DGKZ: variants seen among roughly 807,000 people sequenced by gnomAD.
DGKZ encodes DAG kinase zeta.
Under a neutral mutation model 142.5 loss-of-function variants are expected in DGKZ, and 45 were observed. That is an observed-to-expected ratio of 0.32 (90% CI 0.25 to 0.40). The LOEUF (loss-of-function observed/expected upper bound fraction) is 0.40. DGKZ is among the 10% of genes least tolerant of loss of function. The pLI is 1.00. For missense variants in DGKZ, 755 were observed against 1,306.5 expected (o/e 0.58, Z 6.51); for synonymous variants, 442 against 527.0 (o/e 0.84, Z 2.21).
intron 1 of DGKZ, among the ~76,000 whole-genome samples, chr11:46,361,285 G>A (rs1437510958): frequency 1.3e-5 from 2 of 152,188 alleles, no homozygotes; most frequent in African/African-American, 4.8e-5. Context: ...AAAAGGGCCT[G>A]GCTCCCACTT....
At chr11:46,344,554 A>G (rs1243736999), upstream of DGKZ, among the ~76,000 whole-genome samples, 1 of 151,460 alleles carries the variant, frequency 6.6e-6, no homozygotes, top group African/African-American at 2.4e-5. Context: ...CCCAGGTTCA[A>G]GCGATTCTCC....
chr11:46,347,603 C>T lies in DGKZ; in HGVS notation c.-57C>T. ...CGGAGCGGGCGTGCTGAGCCCCGGC[C>T]GCCGGCCCGGCATGGGCGTCTCCCG... On this transcript the variant is annotated 5_prime_UTR_variant, in exon 1 of 31. Transcript: ENST00000527911. The surrounding 1 kb of genome is among the most constrained non-coding windows in gnomAD (Gnocchi z 6.4). The T allele has an allele frequency of 8.5e-7, 1 of 1,181,868 alleles. No homozygotes were observed. The highest frequency in any genetic ancestry group is 1.0e-6 in the Non-Finnish European group (1 of 955,936). The allele number at this position is 1,181,868 out of a possible 1,614,324, so 73.2% of individuals were successfully genotyped here.
chr11:46,366,584 T>G, intron 1 of DGKZ: 1 of 1,607,510 alleles, frequency 6.2e-7, no homozygotes, highest in African/African-American at 1.3e-5. Context: ...ACCCCTGCTG[T>G]TGACCGGGCT....
At chr11:46,355,321 G>A (rs1266948030) in intron 1 of DGKZ, among the ~76,000 whole-genome samples, 9 of 151,744 alleles carry the variant, frequency 5.9e-5, no homozygotes, top group African/African-American at 1.9e-4. Context: ...TGTTAGCCAG[G>A]ATGGTCTCGA....
chr11:46,365,126 T>C, intron 1 of DGKZ: 3 of 985,100 alleles, frequency 3.0e-6, no homozygotes, highest in Non-Finnish European at 3.6e-6. Context: ...GAGCAAAGCA[T>C]GAGTTCAGGA....
chr11:46,362,375 G>A (rs1236972690), intron 1 of DGKZ, among the ~76,000 whole-genome samples: 5 of 152,156 alleles, frequency 3.3e-5, no homozygotes, highest in African/African-American at 7.2e-5. Flanking sequence ...ACCTGTGGCC[G>A]GCTCTGTTCC....
chr11:46,342,967 T>C (rs1940347790), upstream of DGKZ, among the ~76,000 whole-genome samples: 1 of 151,966 alleles, frequency 6.6e-6, no homozygotes, highest in African/African-American at 2.4e-5. Context: ...CTACTAAAAA[T>C]ACAAAAATTA....
chr11:46,352,554 G>C (rs574741694), intron 1 of DGKZ, among the ~76,000 whole-genome samples: 1 of 152,108 alleles, frequency 6.6e-6, no homozygotes, highest in African/African-American at 2.4e-5. Context: ...GCAGCTAGCC[G>C]GGGTCATCTG....
intron 1 of DGKZ, among the ~76,000 whole-genome samples, chr11:46,361,286 G>A (rs1942617489): frequency 6.6e-6 from 1 of 152,202 alleles, no homozygotes; most frequent in South Asian, 2.1e-4. Flanking sequence ...AAAGGGCCTG[G>A]CTCCCACTTC....
exon 31 of DGKZ, chr11:46,379,926 G>T: frequency 6.2e-7 from 1 of 1,607,348 alleles, no homozygotes; most frequent in Non-Finnish European, 8.5e-7. Context: ...TCCAGCGGGA[G>T]GACCAGGAGA....
chr11:46,368,010 A>G (rs1160376052), exon 4 of DGKZ: 2 of 1,613,762 alleles, frequency 1.2e-6, no homozygotes, highest in Non-Finnish European at 1.7e-6. Context: ...AGCAGAAGTC[A>G]GTGTCTCGAA....
rs1475905214 is a variant in DGKZ, at chr11:46,347,861, A to G, written c.161+41A>G. On this transcript the variant is annotated intron_variant, in intron 1 of 30. Transcript: ENST00000527911. The surrounding 1 kb of genome is among the most constrained non-coding windows in gnomAD (Gnocchi z 6.4). The stretch of plus-strand genomic sequence containing the variant: ...GCGGGGCAGGCACCGAGGCACCGGC[A>G]GGTTACCGCTCCCTCACCGGGGGAC... 3.1e-6 allele frequency: 4 copies of G among 1,272,104 alleles called. No homozygotes were observed. The highest frequency in any genetic ancestry group is 3.2e-5 in the East Asian group (1 of 31,676). The allele number at this position is 1,272,104 out of a possible 1,614,324, so 78.8% of individuals were successfully genotyped here.
In DGKZ at chr11:46,373,079, G is replaced by A. The variant is rs975044677; in HGVS notation, c.1304G>A (p.Arg435Gln). 34 of 1,544,204 alleles carry A rather than the reference G, an allele frequency of 2.2e-5. No individual in the cohort carries two copies. The highest frequency in any genetic ancestry group is 2.7e-5 in the Non-Finnish European group (31 of 1,144,654). The change falls in exon 14 of 31, where the codon CGA (arginine) becomes CAA (glutamine). Residue 435 changes from arginine (R) to glutamine (Q), a missense_variant. Physicochemically the swap from Arg to Gln is conservative, Grantham distance 43. Coordinates refer to ENST00000527911, the Ensembl canonical transcript of DGKZ. ...AACCCCGAGGCAGGGCCTGAGGACC[G>A]AGATGAAGGCGCCACCGACCGGGTA...
At chr11:46,371,992 A>G (rs1943998587) in intron 9 of DGKZ, 83 bp from the exon 10 acceptor site, 3 of 1,397,512 alleles carry the variant, frequency 2.1e-6, no homozygotes, top group Non-Finnish European at 2.0e-6. Context: ...AGAGGGAACA[A>G]AGTCACCCAG....
At chr11:46,342,299 A>T (rs905666572) in intron 1 of DGKZ, among the ~76,000 whole-genome samples, 1 of 152,110 alleles carries the variant, frequency 6.6e-6, no homozygotes, top group African/African-American at 2.4e-5. Context: ...CAGAGATGAC[A>T]TTGACAGCGC....
chr11:46,380,008 C>T (rs997004117), exon 31 of DGKZ: 17 of 1,462,188 alleles, frequency 1.2e-5, no homozygotes, highest in Admixed American at 4.1e-5. Context: ...CTTCCTTGCC[C>T]ACCTCACTGC....
chr11:46,355,969 C>T (rs1941972451), intron 1 of DGKZ, among the ~76,000 whole-genome samples: 1 of 152,148 alleles, frequency 6.6e-6, no homozygotes, highest in African/African-American at 2.4e-5. Context: ...TGGTCTCGAG[C>T]TCCTGACCTC....
Position 46,367,953 on chromosome 11 carries a change from G to A in DGKZ, c.367-49G>A, listed in dbSNP as rs928137873. On this transcript the variant is annotated intron_variant, in intron 3 of 30. Transcript: ENST00000527911. This position sits in a 1 kb window ranked among gnomAD's most constrained non-coding sequence, Gnocchi z 4.1. ...AGCTGTGCTGGGGCAGGCAGCCTCCGAGATAGACTTACCTGGTGCCTCAGG... is the reference window on the plus strand; with the variant it reads ...AGCTGTGCTGGGGCAGGCAGCCTCCAAGATAGACTTACCTGGTGCCTCAGG... The A allele has an allele frequency of 9.3e-6, 15 of 1,604,578 alleles. No individual in the cohort carries two copies. The African/African-American group carries it at 1.5e-4, about 16-fold the overall frequency.
At chr11:46,344,406 A>G (rs1007866626), upstream of DGKZ, among the ~76,000 whole-genome samples, 3 of 150,762 alleles carry the variant, frequency 2.0e-5, no homozygotes, top group Admixed American at 2.0e-4. Context: ...TAATTTGTCA[A>G]CCTTCCTATC....
Sources: gnomAD v4.1 joint callset for allele counts (sites outside exome capture counted in the v4.1 genomes callset) on GRCh38, gnomAD v4.1.1 for gene constraint, Gnocchi (gnomAD v3.1) non-coding constraint, MANE v1.5 for transcripts, NCBI Gene and HGNC (gene_info 2026-07-23, HGNC 2026-07-21) for gene names.